Variants in ATRNL1 observed in about 807,000 individuals in gnomAD.
ATRNL1 encodes attractin-like protein 1.
A neutral mutation model predicts 182.7 loss-of-function variants in ATRNL1; 95 were observed. The ratio of observed to expected loss-of-function variants is 0.52; its 90% CI spans 0.44 to 0.62. The LOEUF (loss-of-function observed/expected upper bound fraction) is 0.62, where lower values mean the gene tolerates loss of function less well. Among genes scored for constraint, ATRNL1 ranks in the 20% least tolerant of loss-of-function variants. The pLI is 0.00. For missense variants in ATRNL1, 1,471 were observed against 1,679.5 expected (o/e 0.88, Z 2.17); for synonymous variants, 576 against 568.3 (o/e 1.01, Z -0.19).
At chr10:115,264,963 A>G (rs1288864395) in intron 10 of ATRNL1, among the ~76,000 whole-genome samples, 2 of 151,638 alleles carry the variant, frequency 1.3e-5, no homozygotes, top group East Asian at 1.9e-4. Flanking sequence ...TTGTTCTCAT[A>G]TGCTTAAAAT....
chr10:115,608,463 A>T (rs1328784944), intron 26 of ATRNL1, among the ~76,000 whole-genome samples: 1 of 152,070 alleles, frequency 6.6e-6, no homozygotes, highest in Non-Finnish European at 1.5e-5. Flanking sequence ...AAGAATCAAG[A>T]ACACTACATA....
At chr10:115,157,329 T>G (rs1456138455) in intron 5 of ATRNL1, among the ~76,000 whole-genome samples, 2 of 152,032 alleles carry the variant, frequency 1.3e-5, no homozygotes, top group Non-Finnish European at 2.9e-5. Context: ...TCGTTGTTTG[T>G]GTTTTAAATT....
At chr10:115,657,818 G>A (rs1860420986) in intron 26 of ATRNL1, among the ~76,000 whole-genome samples, 2 of 151,792 alleles carry the variant, frequency 1.3e-5, no homozygotes, top group Non-Finnish European at 2.9e-5. Context: ...TATCTTTTCT[G>A]TTTCTACCCC....
At chr10:115,202,874 G>A (rs1218672674) in intron 8 of ATRNL1, among the ~76,000 whole-genome samples, 1 of 147,282 alleles carries the variant, frequency 6.8e-6, no homozygotes, top group Non-Finnish European at 1.5e-5. Context: ...GACTCTTTTT[G>A]GTTGGTAAGC....
chr10:115,941,860 C>T (rs1246914557), intron 28 of ATRNL1, among the ~76,000 whole-genome samples: 1 of 152,176 alleles, frequency 6.6e-6, no homozygotes, highest in Non-Finnish European at 1.5e-5. Flanking sequence ...TTTACTACTG[C>T]AGAATAAGTG....
At chr10:115,916,308 C>G (rs782480551) in intron 28 of ATRNL1, among the ~76,000 whole-genome samples, 21 of 152,326 alleles carry the variant, frequency 1.4e-4, no homozygotes, top group Admixed American at 2.6e-4. Flanking sequence ...ATTAGCAGCC[C>G]AAAGTAACAT....
intron 9 of ATRNL1, among the ~76,000 whole-genome samples, chr10:115,233,726 G>A (rs972250334): frequency 6.6e-6 from 1 of 151,988 alleles, no homozygotes; most frequent in African/African-American, 2.4e-5. Flanking sequence ...ATGAATGGAT[G>A]CTTGGTTTTG....
intron 21 of ATRNL1, among the ~76,000 whole-genome samples, chr10:115,457,729 C>G (rs751201887): frequency 1.8e-4 from 28 of 152,024 alleles, no homozygotes; most frequent in Non-Finnish European, 4.0e-4. Flanking sequence ...GCTCTCTGTT[C>G]AGTATGATCT....
At chr10:115,693,067 T>C (rs1416582091) in intron 26 of ATRNL1, among the ~76,000 whole-genome samples, 2 of 152,104 alleles carry the variant, frequency 1.3e-5, no homozygotes, top group Admixed American at 6.6e-5. Flanking sequence ...GGAAAATTCT[T>C]CCCTCAATTA....
chr10:115,353,935 C>A (rs1856386958), intron 19 of ATRNL1, among the ~76,000 whole-genome samples: 1 of 152,126 alleles, frequency 6.6e-6, no homozygotes, highest in African/African-American at 2.4e-5. Context: ...TTCATATTGT[C>A]TATCTTTCAA....
chr10:115,422,300 A>AG (rs1845684458), intron 20 of ATRNL1, among the ~76,000 whole-genome samples: 1 of 152,186 alleles, frequency 6.6e-6, no homozygotes, highest in Admixed American at 6.5e-5. Flanking sequence ...GCATCCCACA[A>AG]GGATCTAATA....
At chr10:115,679,421 A>C (rs1395974921) in intron 26 of ATRNL1, among the ~76,000 whole-genome samples, 1 of 151,786 alleles carries the variant, frequency 6.6e-6, no homozygotes, top group Non-Finnish European at 1.5e-5. Context: ...CCTATGTGCC[A>C]ATTACCCTGC....
chr10:115,791,765 A>C (rs2420116), intron 27 of ATRNL1, among the ~76,000 whole-genome samples: 91,747 of 151,788 alleles, frequency 0.6, 28,364 homozygotes, highest in East Asian at 0.77. Flanking sequence ...TTGGCATACC[A>C]CTACTAGATG....
intron 26 of ATRNL1, among the ~76,000 whole-genome samples, chr10:115,663,427 A>T (rs1423847627): frequency 1.3e-5 from 2 of 152,122 alleles, no homozygotes; most frequent in South Asian, 4.1e-4. Flanking sequence ...TCTTAAATGC[A>T]TTAAAAGAAT....
chr10:115,751,835 A>G (rs1948457526), intron 27 of ATRNL1, among the ~76,000 whole-genome samples: 1 of 152,050 alleles, frequency 6.6e-6, no homozygotes, highest in Non-Finnish European at 1.5e-5. Context: ...TTACCTACAC[A>G]TATATATTTG....
intron 28 of ATRNL1, among the ~76,000 whole-genome samples, chr10:115,929,006 TGTTCACTA>T (rs1329371881): frequency 6.6e-6 from 1 of 152,056 alleles, no homozygotes; most frequent in Non-Finnish European, 1.5e-5. Context: ...TCTTCTTTAG[TGTTCACTA>T]TTCACAAAGC....
chr10:115,826,499 G>A (rs971616546), intron 27 of ATRNL1, among the ~76,000 whole-genome samples: 1 of 152,072 alleles, frequency 6.6e-6, no homozygotes, highest in African/African-American at 2.4e-5. Context: ...TTGGCGTATG[G>A]GAAACAATGT....
chr10:115,608,240 T>C (rs1417795386), intron 26 of ATRNL1, among the ~76,000 whole-genome samples: 1 of 152,048 alleles, frequency 6.6e-6, no homozygotes, highest in Non-Finnish European at 1.5e-5. Flanking sequence ...TCTGTGTTAC[T>C]AGCAATGTGA....
chr10:115,528,261 T>C (rs1208659271), intron 25 of ATRNL1, among the ~76,000 whole-genome samples: 1 of 152,012 alleles, frequency 6.6e-6, no homozygotes, highest in Non-Finnish European at 1.5e-5. Context: ...AGTTCAGGGC[T>C]TCTTTGTTGT....
Sources: allele counts gnomAD v4.1 joint callset (sites outside exome capture counted in the v4.1 genomes callset), GRCh38; gene constraint gnomAD v4.1.1; transcripts MANE v1.5; gene names NCBI Gene and HGNC (gene_info 2026-07-23, HGNC 2026-07-21).